The following FHIT variants were observed in gnomAD, a reference collection of about 807,000 sequenced individuals.
FHIT encodes the protein fragile histidine triad diadenosine triphosphatase, also known as bis(5'-adenosyl)-triphosphatase.
In FHIT, 19 loss-of-function variants were observed where a neutral mutation model predicts 17.9. The observed-to-expected ratio is 1.06, with a 90% CI of 0.74 to 1.56. The LOEUF is 1.56. Ranked by LOEUF, FHIT falls within the 40% of genes most tolerant of loss-of-function variation. FHIT has a pLI of 0.00. For synonymous variants in FHIT, 81 were observed against 69.7 expected, an observed-to-expected ratio of 1.16 and a Z score of -0.81; for missense variants, 248 against 189.2, an observed-to-expected ratio of 1.31 and a Z score of -1.82.
At chr3:59,891,078 G>C (rs1703834888) in intron 8 of FHIT, among the ~76,000 whole-genome samples, 1 of 152,126 alleles carries the variant, frequency 6.6e-6, no homozygotes, top group South Asian at 2.1e-4. Context: ...ACTCCTCAAG[G>C]GTAGGTTCCC....
intron 3 of FHIT, among the ~76,000 whole-genome samples, chr3:60,857,297 T>C (rs1703428296): frequency 6.6e-6 from 1 of 152,160 alleles, no homozygotes; most frequent in Admixed American, 6.6e-5. Flanking sequence ...ACTATTTTAC[T>C]TAGACATCAA....
chr3:60,938,073 GAA>G (rs1273377137), intron 3 of FHIT, among the ~76,000 whole-genome samples: 1 of 152,182 alleles, frequency 6.6e-6, no homozygotes, highest in Non-Finnish European at 1.5e-5. Context: ...AACTCCAGGA[GAA>G]AGTTAAATAC....
chr3:60,327,816 T>C (rs1709771730), intron 5 of FHIT, among the ~76,000 whole-genome samples: 1 of 152,092 alleles, frequency 6.6e-6, no homozygotes, highest in Non-Finnish European at 1.5e-5. Flanking sequence ...CCTAATTCAA[T>C]TCAGATGGTT....
Position 60,527,672 on chromosome 3 carries a change from A to G in FHIT, c.103+9188T>C, listed in dbSNP as rs573915836. 2.6e-5 allele frequency among the ~76,000 whole-genome samples: 4 copies of G among 152,368 alleles called. No individual in the cohort carries two copies. The South Asian group carries it at 8.3e-4, about 32-fold the overall frequency. On this transcript the variant is annotated intron_variant, in intron 5 of 9. Coordinates refer to ENST00000492590, the MANE Select transcript of FHIT (RefSeq NM_002012.4). ...ATAATGAAGCTTACAATAAAATAAT[A>G]AAGCCACTAACAGCAAAATGCCCAT... is the stretch of plus-strand genomic sequence containing the variant.
At chr3:60,406,487 G>C (rs895286579) in intron 5 of FHIT, among the ~76,000 whole-genome samples, 1 of 152,188 alleles carries the variant, frequency 6.6e-6, no homozygotes, top group African/African-American at 2.4e-5. Context: ...GCAGGAAAGC[G>C]AAAGAGACAC....
At chr3:60,992,154 A>T (rs549831381) in intron 3 of FHIT, among the ~76,000 whole-genome samples, 1 of 152,246 alleles carries the variant, frequency 6.6e-6, no homozygotes, top group Admixed American at 6.5e-5. Context: ...CATTTAGATG[A>T]AGTTCAAGAA....
intron 4 of FHIT, among the ~76,000 whole-genome samples, chr3:60,652,504 A>G (rs1339557368): frequency 6.6e-6 from 1 of 152,012 alleles, no homozygotes; most frequent in Non-Finnish European, 1.5e-5. Flanking sequence ...GAGGCCCAGG[A>G]GGGCGGATCA....
chr3:59,875,795 C>T (rs551620699), intron 8 of FHIT, among the ~76,000 whole-genome samples: 4 of 151,848 alleles, frequency 2.6e-5, no homozygotes, highest in African/African-American at 9.7e-5. Context: ...AGAGGGAGGG[C>T]CTGTGACATG....
chr3:60,029,599 G>A (rs1228031476), intron 5 of FHIT, among the ~76,000 whole-genome samples: 2 of 152,120 alleles, frequency 1.3e-5, no homozygotes, highest in African/African-American at 4.8e-5. Flanking sequence ...TGTTTCCCAA[G>A]TAGCCTGAGA....
intron 5 of FHIT, among the ~76,000 whole-genome samples, chr3:60,385,674 G>A (rs920775308): frequency 6.6e-6 from 1 of 152,144 alleles, no homozygotes; most frequent in Admixed American, 6.5e-5. Context: ...TGATCTCCCA[G>A]GCTCAAAGGA....
chr3:60,978,414 T>A (rs1286331782), intron 3 of FHIT, among the ~76,000 whole-genome samples: 3 of 152,020 alleles, frequency 2.0e-5, no homozygotes, highest in Non-Finnish European at 4.4e-5. Context: ...TCAGGGTTAG[T>A]CTTTGAGCCT....
chr3:59,872,070 T>A (rs9809679), intron 8 of FHIT, among the ~76,000 whole-genome samples: 2 of 151,946 alleles, frequency 1.3e-5, no homozygotes, highest in Non-Finnish European at 2.9e-5. Flanking sequence ...TGGGGCTGAG[T>A]GGGAGTAGTC....
chr3:61,106,416 G>A (rs912085927), intron 2 of FHIT, among the ~76,000 whole-genome samples: 2 of 151,790 alleles, frequency 1.3e-5, no homozygotes, highest in African/African-American at 2.4e-5. Flanking sequence ...AACTTCCTCC[G>A]CTCTAATTAA....
At chr3:60,489,033 A>G (rs1015838689) in intron 5 of FHIT, among the ~76,000 whole-genome samples, 1 of 152,158 alleles carries the variant, frequency 6.6e-6, no homozygotes, top group Non-Finnish European at 1.5e-5. Context: ...ATGATGTCCA[A>G]TGAGTTGGGA....
In FHIT at chr3:60,427,826, A is replaced by G. The variant is rs1435459489; in HGVS notation, c.103+109034T>C. Among the ~76,000 whole-genome samples, 3 of 151,932 alleles carry G rather than the reference A, an allele frequency of 2.0e-5. No individual in the cohort carries two copies. In the East Asian group the frequency reaches 5.8e-4, roughly 29 times the overall value. ...CAAACTCCTCATTTGATATCTCCCA[A>G]ATCTACCTTATTATTGCCCCATCTA... On this transcript the variant is annotated intron_variant, in intron 5 of 9. Coordinates refer to ENST00000492590, the MANE Select transcript of FHIT (RefSeq NM_002012.4).
intron 5 of FHIT, among the ~76,000 whole-genome samples, chr3:60,420,559 T>C (rs978547690): frequency 1.3e-5 from 2 of 152,166 alleles, no homozygotes; most frequent in African/African-American, 2.4e-5. Flanking sequence ...GGATGTCATA[T>C]ATTATTAAGT....
chr3:60,560,310 T>C (rs192944469), intron 4 of FHIT, among the ~76,000 whole-genome samples: 43 of 152,250 alleles, frequency 2.8e-4, no homozygotes, highest in African/African-American at 9.9e-4. Context: ...ACAGTAATTA[T>C]GCATTTGCCT....
intron 8 of FHIT, among the ~76,000 whole-genome samples, chr3:59,769,334 C>G (rs1398382397): frequency 6.6e-6 from 1 of 152,184 alleles, no homozygotes; most frequent in African/African-American, 2.4e-5. Context: ...CACGTGCCCT[C>G]TCTGTGCTGG....
At chr3:60,497,083 T>C (rs1286172959) in intron 5 of FHIT, among the ~76,000 whole-genome samples, 6 of 152,054 alleles carry the variant, frequency 3.9e-5, no homozygotes, top group Non-Finnish European at 8.8e-5. Context: ...CATGTGGCAA[T>C]ATGTGGAGAT....
Sources: gnomAD v4.1 joint callset for allele counts (sites outside exome capture counted in the v4.1 genomes callset) on GRCh38, gnomAD v4.1.1 for gene constraint, MANE v1.5 for transcripts, NCBI Gene and HGNC (gene_info 2026-07-23, HGNC 2026-07-21) for gene names.